The following SPPL2A variants were observed in gnomAD, a reference collection of about 807,000 sequenced individuals.
The protein encoded by SPPL2A is signal peptide peptidase like 2A.
Under a neutral mutation model 63.8 loss-of-function variants are expected in SPPL2A, and 51 were observed. That is an observed-to-expected ratio of 0.80 (90% CI 0.64 to 1.01). The LOEUF (loss-of-function observed/expected upper bound fraction) is 1.01. SPPL2A is among the 50% of genes least tolerant of loss of function. The probability of loss-of-function intolerance (pLI) is 0.00; values close to 1 mark genes in which losing one functional copy is unlikely to be tolerated. For synonymous variants in SPPL2A, 188 were observed against 205.8 expected (o/e 0.91, Z 0.74); for missense variants, 553 against 622.7 (o/e 0.89, Z 1.19).
intron 14 of SPPL2A, among the ~76,000 whole-genome samples, chr15:50,709,902 T>C (rs1482560767): frequency 1.3e-5 from 2 of 152,118 alleles, no homozygotes; most frequent in South Asian, 2.1e-4. Context: ...CCCCTAGATT[T>C]AAGGTCACTA....
chr15:50,751,082 T>G (rs926412990), intron 1 of SPPL2A, among the ~76,000 whole-genome samples: 2 of 152,200 alleles, frequency 1.3e-5, no homozygotes, highest in African/African-American at 4.8e-5. Context: ...TATGCCATAC[T>G]TGGGGCTGCA....
At chr15:50,715,605 TG>T (rs1374479937) in intron 14 of SPPL2A, among the ~76,000 whole-genome samples, 1 of 63,034 alleles carries the variant, frequency 1.6e-5, no homozygotes, top group East Asian at 3.8e-4. Context: ...CCGTTAAGGG[TG>T]GGGGTGGGGG....
chr15:50,746,364 A>T (rs1189136582), intron 5 of SPPL2A, among the ~76,000 whole-genome samples: 2 of 142,462 alleles, frequency 1.4e-5, no homozygotes, highest in Non-Finnish European at 3.0e-5. Flanking sequence ...CTTGAACTGG[A>T]GAGGCGGAGT....
At chr15:50,742,837 A>G (rs1202350604) in intron 5 of SPPL2A, 1 of 152,170 alleles carries the variant, frequency 6.6e-6, no homozygotes, top group Non-Finnish European at 1.5e-5. Context: ...TGTTTTACAA[A>G]TAAAAAAGCT....
intron 1 of SPPL2A, among the ~76,000 whole-genome samples, chr15:50,756,094 C>T (rs960766494): frequency 1.3e-5 from 2 of 151,852 alleles, no homozygotes; most frequent in Non-Finnish European, 2.9e-5. Flanking sequence ...GGCGTGGTGG[C>T]TCATGCCTGT....
chr15:50,721,465 C>T (rs1352228667), intron 13 of SPPL2A, among the ~76,000 whole-genome samples: 1 of 150,512 alleles, frequency 6.6e-6, no homozygotes. Flanking sequence ...GGGACTCAAT[C>T]TTTCGCCCAG....
At chr15:50,756,837 T>C (rs1478342898) in intron 1 of SPPL2A, among the ~76,000 whole-genome samples, 2 of 152,196 alleles carry the variant, frequency 1.3e-5, no homozygotes, top group Non-Finnish European at 2.9e-5. Flanking sequence ...GTCTCAGGAC[T>C]AGAACTGGGC....
chr15:50,730,434 G>C (rs549605377), intron 10 of SPPL2A, among the ~76,000 whole-genome samples: 5 of 152,158 alleles, frequency 3.3e-5, no homozygotes, highest in Admixed American at 2.0e-4. Context: ...GGACCTTTTT[G>C]GTACAGAAGG....
At chr15:50,724,450 C>T (rs891651324) in intron 12 of SPPL2A, among the ~76,000 whole-genome samples, 3 of 151,992 alleles carry the variant, frequency 2.0e-5, no homozygotes, top group African/African-American at 7.2e-5. Flanking sequence ...CGGTGGCAGG[C>T]GCCTGTAGTC....
rs770556274 is a variant in SPPL2A, at chr15:50,747,588, G to A, written c.491C>T (p.Ser164Leu). The change falls in exon 5 of 15, where the codon TCG becomes TTG. Residue 164 changes from serine (S) to leucine (L), a missense_variant. Transcript: ENST00000261854. ...CATAGTATAATCAAAGTTAGGCCACGATGGAGAATACATTTTCACAGTAAT... is the reference window on the plus strand; with the variant it reads ...CATAGTATAATCAAAGTTAGGCCACAATGGAGAATACATTTTCACAGTAAT... Reference protein sequence around the residue: ...DNITVKMYSPSWPNFDYTMVV... With the variant: ...DNITVKMYSPLWPNFDYTMVV... 3.7e-6 allele frequency: 6 copies of A among 1,608,684 alleles called. No individual in the cohort carries two copies. The African/African-American group carries it at 8.0e-5, about 22-fold the overall frequency.
chr15:50,725,056 T>C (rs1872260452), intron 12 of SPPL2A, among the ~76,000 whole-genome samples, 165 bp downstream of exon 12: 1 of 152,188 alleles, frequency 6.6e-6, no homozygotes, highest in Non-Finnish European at 1.5e-5. Flanking sequence ...CATTTGGGCT[T>C]TACCTTCTAC....
intron 8 of SPPL2A, among the ~76,000 whole-genome samples, chr15:50,735,542 C>CACACACACACATAT (rs2062763619): frequency 1.9e-5 from 2 of 107,916 alleles, no homozygotes; most frequent in African/African-American, 7.1e-5. Flanking sequence ...CACATATATA[C>CACACACACACATAT]ATACACACAC....
intron 14 of SPPL2A, among the ~76,000 whole-genome samples, chr15:50,712,682 T>TCCCCCC (rs1418811529): frequency 2.5e-5 from 3 of 120,170 alleles, no homozygotes; most frequent in Non-Finnish European, 3.5e-5. Context: ...CCCCCCCCTT[T>TCCCCCC]TTTTTTTTTT....
At chr15:50,717,709 G>C (rs2062608189) in intron 14 of SPPL2A, among the ~76,000 whole-genome samples, 1 of 152,066 alleles carries the variant, frequency 6.6e-6, no homozygotes, top group African/African-American at 2.4e-5. Context: ...TGAGTTTCTA[G>C]CATGTGCCAT....
intron 5 of SPPL2A, among the ~76,000 whole-genome samples, chr15:50,742,037 A>G (rs2062825465): frequency 6.6e-6 from 1 of 152,150 alleles, no homozygotes; most frequent in South Asian, 2.1e-4. Context: ...TCAGCTTGAG[A>G]GCCATACGCA....
intron 14 of SPPL2A, among the ~76,000 whole-genome samples, chr15:50,715,788 T>C (rs1452263646): frequency 1.3e-5 from 2 of 152,110 alleles, no homozygotes; most frequent in South Asian, 2.1e-4. Flanking sequence ...ACCAATAATA[T>C]TAACCTACAA....
chr15:50,739,887 T>G (rs530502947), intron 5 of SPPL2A, 59 bp from the exon 6 acceptor site: 1 of 1,191,866 alleles, frequency 8.4e-7, no homozygotes, highest in East Asian at 2.8e-5. Flanking sequence ...TTTAAAAAAT[T>G]TATCTCTAAC....
intron 14 of SPPL2A, among the ~76,000 whole-genome samples, chr15:50,717,967 CG>C (rs1390149929): frequency 1.0e-4 from 10 of 98,136 alleles, no homozygotes; most frequent in Non-Finnish European, 1.7e-4. Context: ...CTGTAACTTT[CG>C]TTTTTTTTTT....
chr15:50,736,599 A>G (rs748207459), intron 7 of SPPL2A, 45 bp downstream of exon 7: 1 of 1,159,444 alleles, frequency 8.6e-7, no homozygotes, highest in African/African-American at 1.5e-5. Context: ...ATTGTTTCAA[A>G]TTATAAACAC....
Sources: gnomAD v4.1 joint callset for allele counts (sites outside exome capture counted in the v4.1 genomes callset) on GRCh38, gnomAD v4.1.1 for gene constraint, MANE v1.5 for transcripts, NCBI Gene and HGNC (gene_info 2026-07-23, HGNC 2026-07-21) for gene names.